NLRP13: variants seen among roughly 807,000 people sequenced by gnomAD.
The protein encoded by NLRP13 is NACHT, LRR and PYD domains-containing protein 13.
Under a neutral mutation model 94.4 loss-of-function variants are expected in NLRP13, and 82 were observed. The ratio of observed to expected loss-of-function variants is 0.87; its 90% CI spans 0.73 to 1.04. The LOEUF (loss-of-function observed/expected upper bound fraction) is 1.04, where lower values mean the gene tolerates loss of function less well. Among genes scored for constraint, NLRP13 ranks in the 50% least tolerant of loss-of-function variants. The pLI is 0.00. For missense variants in NLRP13, 1,426 were observed against 1,230.8 expected, an observed-to-expected ratio of 1.16 and a Z score of -2.37; for synonymous variants, 553 against 464.7, an observed-to-expected ratio of 1.19 and a Z score of -2.45.
intron 10 of NLRP13, among the ~76,000 whole-genome samples, chr19:55,896,742 C>T (rs1986023777): frequency 6.8e-6 from 1 of 147,046 alleles, no homozygotes; most frequent in African/African-American, 2.5e-5. Flanking sequence ...TTGCTTGAGC[C>T]CACGGGGTGG....
chr19:55,924,822 A>T lies in NLRP13; in HGVS notation c.388+145T>A, dbSNP rs148278126. 523 of 810,818 alleles carry T rather than the reference A, an allele frequency of 6.5e-4. No homozygotes were observed. In the African/African-American group the frequency reaches 7.6e-3, roughly 12 times the overall value. The allele number at this position is 810,818 out of a possible 1,614,324, so 50.2% of individuals were successfully genotyped here. A position where few individuals can be genotyped will look rare whatever the true frequency, so the allele number is the denominator to read the frequency against. On this transcript the variant is annotated intron_variant, in intron 2 of 10. Transcript: ENST00000342929. ...TACAGTAAGTTATCATTTAATAAGC[A>T]ATACTGAAAGAATTAGTTGGAAAGT...
At chr19:55,900,915 G>A (rs1027900167) in intron 9 of NLRP13, among the ~76,000 whole-genome samples, 1 of 152,012 alleles carries the variant, frequency 6.6e-6, no homozygotes, top group Non-Finnish European at 1.5e-5. Context: ...TGTAATATAT[G>A]CTCTTCTCTC....
downstream of NLRP13, among the ~76,000 whole-genome samples, chr19:55,895,213 G>GA (rs1985973302): frequency 1.1e-5 from 1 of 92,454 alleles, no homozygotes; most frequent in Non-Finnish European, 2.1e-5. Flanking sequence ...AAAAAAAAAA[G>GA]AAAGAAAAGA....
At chr19:55,931,709 C>CAAAAA (rs374591965) in intron 1 of NLRP13, among the ~76,000 whole-genome samples, 1 of 85,902 alleles carries the variant, frequency 1.2e-5, no homozygotes. Context: ...GACTCAGGCT[C>CAAAAA]AAAAAAAAAA....
Position 55,905,058 on chromosome 19 carries a change from G to A in NLRP13, c.2502C>T (p.Leu834=). ...AASCQDLALF[L]TSIQHVTRLC... ...ATCGAGTTACGTGTTGGATGCTGGT[G>A]AGAAACAAGGCTAGGTCCTGACAGC... is the stretch of plus-strand genomic sequence containing the variant. The change falls in exon 8 of 11, where the codon CTC becomes CTT. Residue 834 remains leucine (L), a synonymous_variant. Transcript: ENST00000342929. 1 of 1,613,896 alleles carries A rather than the reference G, an allele frequency of 6.2e-7. No individual in the cohort carries two copies. The highest frequency in any genetic ancestry group is 8.5e-7 in the Non-Finnish European group (1 of 1,179,978).
At chr19:55,905,414 T>C (rs1278434657) in intron 7 of NLRP13, among the ~76,000 whole-genome samples, 1 of 150,604 alleles carries the variant, frequency 6.6e-6, no homozygotes. Context: ...TACATATATA[T>C]ACACGTATAT....
chr19:55,892,884 G>A (rs577916322), downstream of NLRP13, among the ~76,000 whole-genome samples: 97 of 152,272 alleles, frequency 6.4e-4, no homozygotes, highest in Middle Eastern at 3.4e-3. Context: ...TTTTAGAGCA[G>A]TGTAGTACTC....
rs767802743 is a variant in NLRP13, at chr19:55,912,318, T to C, written c.1499A>G (p.Lys500Arg). The C allele has an allele frequency of 6.2e-7, 1 of 1,614,084 alleles. No homozygotes were observed. Among genetic ancestry groups the C allele is most frequent in the Admixed American group, 1.7e-5 (1 of 60,022 alleles). ...CAGGCCCTCGATCTCAGTGTCTTCT[T>C]TGTTAAACGTGAAGTTCATAGACCA... ...GLWSMNFTFN[K>R]EDTEIEGLEV... The change falls in exon 5 of 11, where the codon AAA becomes AGA. Residue 500 changes from lysine to arginine, a missense_variant. Physicochemically the swap from Lys to Arg is conservative, Grantham distance 26. Coordinates refer to ENST00000342929, the MANE Select transcript of NLRP13 (RefSeq NM_176810.2).
rs545056778 is a variant in NLRP13, at chr19:55,912,209, G to A, written c.1608C>T (p.His536=). 4.3e-6 allele frequency: 7 copies of A among 1,614,140 alleles called. No individual in the cohort carries two copies. In the African/African-American group the frequency reaches 6.7e-5, roughly 15 times the overall value. ...CTGCAAAAAACTCCTGGAAACTTAG[G>A]TGGGTGAAAGTAGTGCAACCCCCAC... ...NDCGGCTTFT[H]LSFQEFFAAM... The change falls in exon 5 of 11, where the codon CAC becomes CAT. Residue 536 remains histidine (H), a synonymous_variant. Coordinates refer to ENST00000342929, the MANE Select transcript of NLRP13 (RefSeq NM_176810.2).
At chr19:55,903,273 G>A (rs566360610) in intron 8 of NLRP13, among the ~76,000 whole-genome samples, 4 of 152,034 alleles carry the variant, frequency 2.6e-5, no homozygotes, top group South Asian at 2.1e-4. Context: ...ACTCAGTGCC[G>A]AATGAGCAGT....
intron 4 of NLRP13, among the ~76,000 whole-genome samples, chr19:55,918,989 C>G (rs1174444774): frequency 6.6e-6 from 1 of 152,032 alleles, no homozygotes; most frequent in African/African-American, 2.4e-5. Flanking sequence ...TACCAGAAAA[C>G]TGATCCAACA....
intron 6 of NLRP13, 147 bp from the exon 7 acceptor site, chr19:55,908,103 G>T (rs781437626): frequency 3.1e-6 from 2 of 636,570 alleles, no homozygotes; most frequent in Non-Finnish European, 5.1e-6. Flanking sequence ...GCTGAGCCAT[G>T]GTACTGGACC....
At position 55,913,223 on chromosome 19, in the gene NLRP13, A is replaced by G; in HGVS notation, c.594T>C (p.Pro198=). Residue 198 remains proline (P), a synonymous_variant, in exon 5 of 11, where the codon CCT becomes CCC. Coordinates refer to ENST00000342929, the MANE Select transcript of NLRP13 (RefSeq NM_176810.2). ...LLETWDNISW[P]KDHVYIRNTS... ...TATTACGGATATATACGTGGTCTTTAGGCCAACTGATGTTGTCCCATGTCT... is the reference window on the plus strand; with the variant it reads ...TATTACGGATATATACGTGGTCTTTGGGCCAACTGATGTTGTCCCATGTCT... 1 of 1,614,110 alleles carries G rather than the reference A, an allele frequency of 6.2e-7. No homozygotes were observed. The highest frequency in any genetic ancestry group is 1.1e-5 in the South Asian group (1 of 91,080).
chr19:55,907,940 G>A lies in NLRP13; in HGVS notation c.2299C>T (p.Pro767Ser). 3.1e-6 allele frequency: 5 copies of A among 1,600,618 alleles called. No homozygotes were observed. The highest frequency in any genetic ancestry group is 3.4e-6 in the Non-Finnish European group (4 of 1,170,862). The change falls in exon 7 of 11, where the codon CCT becomes TCT. Residue 767 changes from proline to serine, a missense_variant. Coordinates refer to ENST00000342929, the MANE Select transcript of NLRP13 (RefSeq NM_176810.2). Reference sequence around the variant, plus strand: ...ATGAGGTCCTGCAGAACCCACTCAGGAGTTACCGATTTGCACCTGAGGAAG... The same window carrying A: ...ATGAGGTCCTGCAGAACCCACTCAGAAGTTACCGATTTGCACCTGAGGAAG... ...VQKLTCKSVT[P>S]EWVLQDLIIA...
intron 1 of NLRP13, among the ~76,000 whole-genome samples, chr19:55,928,829 A>G (rs1290819673): frequency 6.6e-6 from 1 of 152,222 alleles, no homozygotes; most frequent in African/African-American, 2.4e-5. Context: ...AGCAGAAGAA[A>G]CTGTCACCAG....
chr19:55,902,844 A>G (rs1986225159), intron 8 of NLRP13, among the ~76,000 whole-genome samples: 1 of 150,396 alleles, frequency 6.6e-6, no homozygotes, highest in Admixed American at 6.7e-5. Context: ...TTACATACAT[A>G]TATTGCATAA....
At chr19:55,892,189 G>A (rs1051137539), downstream of NLRP13, 3 of 1,158,522 alleles carry the variant, frequency 2.6e-6, no homozygotes, top group African/African-American at 1.6e-5. Context: ...TAATTTTTAA[G>A]GTTCAGGGGA....
intron 6 of NLRP13, 46 bp from the exon 7 acceptor site, chr19:55,908,002 G>T (rs750802920): frequency 2.6e-6 from 4 of 1,547,120 alleles, no homozygotes; most frequent in Non-Finnish European, 3.5e-6. Flanking sequence ...GGAGAAGACT[G>T]GTTTCCAGGA....
chr19:55,927,074 T>TA (rs1295020182), intron 1 of NLRP13, among the ~76,000 whole-genome samples: 1 of 151,274 alleles, frequency 6.6e-6, no homozygotes, highest in African/African-American at 2.4e-5. Flanking sequence ...GATTTAAGTA[T>TA]AAAAGGTAAA....
Sources: gnomAD v4.1 joint callset for allele counts (sites outside exome capture counted in the v4.1 genomes callset) on GRCh38, gnomAD v4.1.1 for gene constraint, MANE v1.5 for transcripts, NCBI Gene and HGNC (gene_info 2026-07-23, HGNC 2026-07-21) for gene names.